Variants in MKNK2 observed in about 807,000 individuals in gnomAD.
The protein encoded by MKNK2 is MAP kinase-interacting serine/threonine-protein kinase 2.
MKNK2 carries 54 observed loss-of-function variants against 55.0 expected under a neutral mutation model. The observed-to-expected ratio is 0.98, with a 90% CI of 0.79 to 1.23. The LOEUF is 1.23. Among genes scored for constraint, MKNK2 ranks in the 50% most tolerant of loss-of-function variants. The probability of loss-of-function intolerance (pLI) is 0.00; values close to 1 mark genes in which losing one functional copy is unlikely to be tolerated. For missense variants in MKNK2, 685 were observed against 632.1 expected (o/e 1.08, Z -0.90); for synonymous variants, 323 against 256.0 (o/e 1.26, Z -2.50).
chr19:2,044,320 A>G (rs949335092), intron 5 of MKNK2, among the ~76,000 whole-genome samples: 9 of 152,180 alleles, frequency 5.9e-5, no homozygotes, highest in East Asian at 3.9e-4. Flanking sequence ...GCCTCAGCCA[A>G]TATCTGTTTC....
chr19:2,041,051 A>G lies in MKNK2; in HGVS notation c.1099T>C (p.Trp367Arg). 1 of 1,613,778 alleles carries G rather than the reference A, an allele frequency of 6.2e-7. No homozygotes were observed. ...CGGCTGGTACTCACCCCCTGAACCC[A>G]GGGGTGCTGCAGGACTTGGGCGGCA... ...LSAAQVLQHP[W>R]VQGCAPENTL... The change falls in exon 12 of 14, where the codon TGG becomes CGG. Residue 367 changes from tryptophan (W) to arginine (R), a missense_variant. Transcript: ENST00000250896.
intron 5 of MKNK2, among the ~76,000 whole-genome samples, chr19:2,044,461 G>A (rs2016957199): frequency 6.6e-6 from 1 of 152,234 alleles, no homozygotes; most frequent in Admixed American, 6.5e-5. Context: ...CAGAGGTGGG[G>A]TGAGGAGGCG....
At chr19:2,042,318 C>T in intron 10 of MKNK2, 109 bp downstream of exon 10, 1 of 1,025,714 alleles carries the variant, frequency 9.7e-7, no homozygotes, top group Non-Finnish European at 1.4e-6. Context: ...TGTTGCTAGG[C>T]GGAAGCCCGA....
chr19:2,042,006 T>C lies in MKNK2; in HGVS notation c.779A>G (p.Glu260Gly). Reference protein sequence around the residue: ...PCGSAEYMAPEVVEAFSEEAS... With the variant: ...PCGSAEYMAPGVVEAFSEEAS... ...CTCCTCGCTGAAGGCCTCCACTACCTCCGGGGCCATGTACTCCGCCGAGCC... is the reference window on the plus strand; with the variant it reads ...CTCCTCGCTGAAGGCCTCCACTACCCCCGGGGCCATGTACTCCGCCGAGCC... Residue 260 changes from glutamate (E) to glycine (G), a missense_variant, in exon 11 of 14, where the codon GAG becomes GGG. Coordinates refer to ENST00000250896, the MANE Select transcript of MKNK2 (RefSeq NM_199054.3). 1.9e-6 allele frequency: 3 copies of C among 1,542,554 alleles called. No individual in the cohort carries two copies. Among genetic ancestry groups the C allele is most frequent in the East Asian group, 2.5e-5 (1 of 40,072 alleles).
rs922931014 is a variant in MKNK2 at position 2,041,216 on chromosome 19, G to A, written c.946-12C>T. 6.2e-7 allele frequency: 1 copy of A among 1,606,898 alleles called. No homozygotes were observed. The highest frequency in any genetic ancestry group is 1.1e-5 in the South Asian group (1 of 90,040). On this transcript the variant is annotated splice_polypyrimidine_tract_variant and intron_variant, in intron 11 of 13. Transcript: ENST00000250896. ...TCAAACAGCATGTTCTGGGGACATAGAACACAGGGGAGCTTAGACCTGCCC... is the reference window on the plus strand; with the variant it reads ...TCAAACAGCATGTTCTGGGGACATAAAACACAGGGGAGCTTAGACCTGCCC...
intron 2 of MKNK2, among the ~76,000 whole-genome samples, chr19:2,049,996 T>C (rs2017079308): frequency 6.6e-6 from 1 of 152,208 alleles, no homozygotes; most frequent in Non-Finnish European, 1.5e-5. Context: ...AACAGGTCCC[T>C]GCCCAAGGAA....
At chr19:2,042,228 G>GCCCCA in intron 10 of MKNK2, 194 bp from the exon 11 acceptor site, 1 of 710,466 alleles carries the variant, frequency 1.4e-6, no homozygotes, top group East Asian at 3.1e-5. Flanking sequence ...CCGCGGCCCC[G>GCCCCA]CCCCACCCGG....
chr19:2,042,679 A>C lies in MKNK2; in HGVS notation c.599-17T>G. ...GGGCGATGCCTGGGGGAGAAGCCAC[A>C]GAACCACGACGGGGTGAGGGTCTGG... On this transcript the variant is annotated splice_polypyrimidine_tract_variant and intron_variant, in intron 8 of 13. Coordinates refer to ENST00000250896, the MANE Select transcript of MKNK2 (RefSeq NM_199054.3). 1 of 1,559,208 alleles carries C rather than the reference A, an allele frequency of 6.4e-7. No homozygotes were observed.
chr19:2,039,558 C>T lies in MKNK2; in HGVS notation c.*55G>A, dbSNP rs368914729. 2 of 1,555,124 alleles carry T rather than the reference C, an allele frequency of 1.3e-6. No individual in the cohort carries two copies. Among genetic ancestry groups the T allele is most frequent in the South Asian group, 1.2e-5 (1 of 86,396 alleles). On this transcript the variant is annotated 3_prime_UTR_variant, in exon 14 of 14. Coordinates refer to ENST00000250896, the MANE Select transcript of MKNK2 (RefSeq NM_199054.3). ...CACCGGCTGGCGATAGCTTAAAAAA[C>T]CTTTAGATTTGATTGGGGGACGGGT...
At chr19:2,050,127 C>A (rs146005416) in intron 2 of MKNK2, among the ~76,000 whole-genome samples, 378 of 152,318 alleles carry the variant, frequency 2.5e-3, no homozygotes, top group Middle Eastern at 6.8e-3. Context: ...CCCTTCCCCC[C>A]CAAGATTTGC....
chr19:2,043,349 TG>T, intron 6 of MKNK2, 152 bp from the exon 7 acceptor site: 1 of 1,009,388 alleles, frequency 9.9e-7, no homozygotes, highest in Non-Finnish European at 1.5e-6. Flanking sequence ...ACTGCCCGCC[TG>T]GGGCTGTCAG....
Position 2,039,492 on chromosome 19 carries a change from A to C in MKNK2, c.*121T>G. 1 of 1,438,374 alleles carries C rather than the reference A, an allele frequency of 7.0e-7. No homozygotes were observed. The highest frequency in any genetic ancestry group is 2.7e-5 in the Admixed American group (1 of 37,158). The allele number at this position is 1,438,374 out of a possible 1,614,324, so 89.1% of individuals were successfully genotyped here. Reference sequence around the variant, plus strand: ...TAAAACACCCCCCTCAGCTGAGCTTAGTGCCTGGGAATCCAGGCAGAGGAG... The same window carrying C: ...TAAAACACCCCCCTCAGCTGAGCTTCGTGCCTGGGAATCCAGGCAGAGGAG... On this transcript the variant is annotated 3_prime_UTR_variant, in exon 14 of 14. Coordinates refer to ENST00000250896, the MANE Select transcript of MKNK2 (RefSeq NM_199054.3).
At chr19:2,048,351 G>A (rs2017043316) in intron 2 of MKNK2, among the ~76,000 whole-genome samples, 1 of 152,190 alleles carries the variant, frequency 6.6e-6, no homozygotes, top group Non-Finnish European at 1.5e-5. Flanking sequence ...GCATACATAT[G>A]TACGTTTCCA....
At position 2,040,026 on chromosome 19, in the gene MKNK2, G is replaced by A. The variant is rs2016841444; in HGVS notation, c.1154+108C>T. 3.5e-6 allele frequency: 5 copies of A among 1,416,242 alleles called. No individual in the cohort carries two copies. In the African/African-American group the frequency reaches 5.7e-5, roughly 16 times the overall value. The allele number at this position is 1,416,242 out of a possible 1,614,324, so 87.7% of individuals were successfully genotyped here. A position where few individuals can be genotyped will look rare whatever the true frequency, so the allele number is the denominator to read the frequency against. ...GGAGCTTCACTGAGTCACCAGGCTT[G>A]CCTGCCTCCCCGACCCCAAAGCAGT... is the stretch of plus-strand genomic sequence containing the variant. On this transcript the variant is annotated intron_variant, in intron 13 of 13. Transcript: ENST00000250896.
Position 2,038,087 on chromosome 19 carries a change from G to C in MKNK2, c.*1526C>G. Reference sequence around the variant, plus strand: ...CCACAGATATGGGCAGTGGGGACCAGGGAAGGCAGAGCACCCCCACGGCCA... The same window carrying C: ...CCACAGATATGGGCAGTGGGGACCACGGAAGGCAGAGCACCCCCACGGCCA... On this transcript the variant is annotated 3_prime_UTR_variant, in exon 14 of 14. Coordinates refer to ENST00000250896, the MANE Select transcript of MKNK2 (RefSeq NM_199054.3). 6.1e-6 allele frequency: 7 copies of C among 1,146,566 alleles called. No homozygotes were observed. Among genetic ancestry groups the C allele is most frequent in the Non-Finnish European group, 7.5e-6 (7 of 929,442 alleles). The allele number at this position is 1,146,566 out of a possible 1,614,324, so 71.0% of individuals were successfully genotyped here.
chr19:2,040,671 G>A (rs927801575), intron 12 of MKNK2: 20 of 313,506 alleles, frequency 6.4e-5, no homozygotes, highest in Non-Finnish European at 1.2e-4. Flanking sequence ...TCGACTGGAG[G>A]CCACACAGGG....
chr19:2,039,338 G>C lies in MKNK2; in HGVS notation c.*275C>G. 7.5e-7 allele frequency: 1 copy of C among 1,331,390 alleles called. No homozygotes were observed. Among genetic ancestry groups the C allele is most frequent in the Non-Finnish European group, 9.6e-7 (1 of 1,039,434 alleles). 82.5% of individuals were successfully genotyped at this position (1,331,390 alleles called of 1,614,324 possible). ...TGAGCAGGGCGGGGGACCGGGGAGG[G>C]GACAAGCCCACCCACCTACCCTCTG... On this transcript the variant is annotated 3_prime_UTR_variant, in exon 14 of 14. Transcript: ENST00000250896.
chr19:2,039,925 G>A (rs2016839616), intron 13 of MKNK2, 69 bp from the exon 14 acceptor site: 3 of 1,522,930 alleles, frequency 2.0e-6, no homozygotes, highest in Non-Finnish European at 2.7e-6. Context: ...GGTCTGTGAA[G>A]GCCCTGGGGG....
chr19:2,037,745 A>C lies in MKNK2; in HGVS notation c.*1868T>G. 6.3e-7 allele frequency: 1 copy of C among 1,592,614 alleles called. No individual in the cohort carries two copies. Among genetic ancestry groups the C allele is most frequent in the Non-Finnish European group, 8.6e-7 (1 of 1,166,592 alleles). On this transcript the variant is annotated 3_prime_UTR_variant, in exon 14 of 14. Transcript: ENST00000250896. ...CCAGGGTCCTCCAGGATCTTCACTC[A>C]TTCACAGTAACGGTTCTGACCAGTC...
Sources: allele counts gnomAD v4.1 joint callset (sites outside exome capture counted in the v4.1 genomes callset), GRCh38; gene constraint gnomAD v4.1.1; transcripts MANE v1.5; gene names NCBI Gene and HGNC (gene_info 2026-07-23, HGNC 2026-07-21).